Variants in BTD observed in about 807,000 individuals in gnomAD.
The protein encoded by BTD is biocytinase.
A neutral mutation model predicts 17.7 loss-of-function variants in BTD; 13 were observed. That is an observed-to-expected ratio of 0.74 (90% CI 0.48 to 1.17). The LOEUF (loss-of-function observed/expected upper bound fraction) is 1.17. Ranked by LOEUF, BTD falls within the 50% of genes most tolerant of loss-of-function variation. BTD has a pLI of 0.00. For missense variants in BTD, 674 were observed against 650.4 expected (o/e 1.04, Z -0.39); for synonymous variants, 240 against 245.2 (o/e 0.98, Z 0.20).
At chr3:15,657,164 T>C (rs1241047953), downstream of BTD, among the ~76,000 whole-genome samples, 2 of 152,188 alleles carry the variant, frequency 1.3e-5, no homozygotes, top group East Asian at 3.9e-4. Context: ...AAGCTGCCAA[T>C]TTCTTAAAGC....
chr3:15,670,677 A>G, intron 3 of BTD: 1 of 1,046,736 alleles, frequency 9.6e-7, no homozygotes, highest in Non-Finnish European at 1.4e-6. Flanking sequence ...CTTATAATAA[A>G]TTGCTGTAAC....
At chr3:15,713,340 G>T (rs2072578174), downstream of BTD, among the ~76,000 whole-genome samples, 1 of 152,086 alleles carries the variant, frequency 6.6e-6, no homozygotes, top group South Asian at 2.1e-4. Context: ...AAAATACACT[G>T]GCTTACCAAA....
intron 3 of BTD, among the ~76,000 whole-genome samples, chr3:15,675,601 T>C (rs1489735561): frequency 1.3e-5 from 2 of 150,946 alleles, no homozygotes; most frequent in African/African-American, 4.8e-5. Flanking sequence ...AACTAGGATC[T>C]TGATACATAT....
chr3:15,645,343 T>A lies in BTD; in HGVS notation c.1427T>A (p.Phe476Tyr). The A allele has an allele frequency of 1.9e-6, 3 of 1,614,192 alleles. No homozygotes were observed. Among genetic ancestry groups the A allele is most frequent in the Non-Finnish European group, 2.5e-6 (3 of 1,180,032 alleles). The change falls in exon 4 of 4, where the codon TTT becomes TAT. Residue 476 changes from phenylalanine (F) to tyrosine (Y), a missense_variant. Phe to Tyr is a conservative substitution (Grantham distance 22). Coordinates refer to ENST00000643237, the MANE Select transcript of BTD (RefSeq NM_001370658.1). ...LWGNFSTSYI[F>Y]PLFLTSGMTL... ...GGCAACTTCAGTACTTCCTATATCTTTCCTTTGTTTCTGACCTCAGGGATG... is the reference window on the plus strand; with the variant it reads ...GGCAACTTCAGTACTTCCTATATCTATCCTTTGTTTCTGACCTCAGGGATG...
At chr3:15,664,050 T>C (rs958260474) in intron 3 of BTD, among the ~76,000 whole-genome samples, 2 of 152,188 alleles carry the variant, frequency 1.3e-5, no homozygotes, top group Non-Finnish European at 2.9e-5. Context: ...TACAGGTGCC[T>C]GCCACCATGC....
In BTD at chr3:15,691,085, G is replaced by C. The variant is rs377158288; in HGVS notation, c.400-18975G>C. Among the ~76,000 whole-genome samples the C allele has an allele frequency of 3.3e-5, 5 of 151,176 alleles. No individual in the cohort carries two copies. In the South Asian group the frequency reaches 6.3e-4, roughly 19 times the overall value. Reference sequence around the variant, plus strand: ...CCACATACCAGGCATTGTCCTAGCTGTACAAAAGTAAGACTGAAGATTTGT... The same window carrying C: ...CCACATACCAGGCATTGTCCTAGCTCTACAAAAGTAAGACTGAAGATTTGT... On this transcript the variant is annotated intron_variant, in intron 3 of 3. Coordinates refer to the BTD transcript ENST00000672141.
chr3:15,630,353 C>G (rs2065175731), intron 1 of BTD, among the ~76,000 whole-genome samples: 1 of 152,186 alleles, frequency 6.6e-6, no homozygotes, highest in Non-Finnish European at 1.5e-5. Flanking sequence ...TAGCAACTGT[C>G]TGAGAATCAG....
chr3:15,644,922 C>G lies in BTD; in HGVS notation c.1006C>G (p.Pro336Ala), dbSNP rs746182429. The G allele has an allele frequency of 2.5e-5, 41 of 1,613,960 alleles. No individual in the cohort carries two copies. In the South Asian group the frequency reaches 4.4e-4, roughly 17 times the overall value. ...GAENATGETD[P>A]SHSKFLKILS... ...AGAGAATGCAACAGGTGAAACGGAC[C>G]CATCCCATAGTAAGTTTTTAAAAAT... is the stretch of plus-strand genomic sequence containing the variant. Residue 336 changes from proline (P) to alanine (A), a missense_variant, in exon 4 of 4, where the codon CCA becomes GCA. Pro to Ala is a conservative substitution (Grantham distance 27). Coordinates refer to ENST00000643237, the MANE Select transcript of BTD (RefSeq NM_001370658.1).
intron 3 of BTD, among the ~76,000 whole-genome samples, chr3:15,688,388 A>G (rs2068396570): frequency 6.6e-6 from 1 of 152,216 alleles, no homozygotes. Context: ...CTCCCAAGTT[A>G]GGTGGGAATA....
chr3:15,635,585 T>C lies in BTD; in HGVS notation c.146T>C (p.Leu49Pro), dbSNP rs2065325318. Reference protein sequence around the residue: ...VAAVYEHPSILSLNPLALISR... With the variant: ...VAAVYEHPSIPSLNPLALISR... ...GCCGTGTATGAGCATCCATCCATCC[T>C]GAGTCTGAACCCTCTGGCTCTCATC... Residue 49 changes from leucine to proline, a missense_variant, in exon 2 of 4, where the codon CTG (leucine) becomes CCG (proline). Coordinates refer to ENST00000643237, the MANE Select transcript of BTD (RefSeq NM_001370658.1). This position sits in a 1 kb window ranked among gnomAD's most constrained non-coding sequence, Gnocchi z 4.1. 2 of 1,614,108 alleles carry C rather than the reference T, an allele frequency of 1.2e-6. No homozygotes were observed. Among genetic ancestry groups the C allele is most frequent in the African/African-American group, 1.3e-5 (1 of 74,934 alleles).
At chr3:15,659,479 T>C (rs910183085) in intron 3 of BTD, among the ~76,000 whole-genome samples, 2 of 152,236 alleles carry the variant, frequency 1.3e-5, no homozygotes, top group African/African-American at 4.8e-5. Context: ...TAGACTTGCA[T>C]TGTGGTTTGA....
intron 3 of BTD, 67 bp from the exon 4 acceptor site, chr3:15,644,249 C>G: frequency 6.6e-7 from 1 of 1,521,922 alleles, no homozygotes; most frequent in Non-Finnish European, 9.0e-7. Flanking sequence ...ATCCACCCGC[C>G]TCAGCCTCCC....
At chr3:15,614,569 CATTTGGTTTT>C (rs1384888828) in intron 1 of BTD, among the ~76,000 whole-genome samples, 1 of 151,158 alleles carries the variant, frequency 6.6e-6, no homozygotes, top group Non-Finnish European at 1.5e-5. Context: ...AAAATGTCTC[CATTTGGTTTT>C]ATTTGACAAT....
chr3:15,643,969 A>AATTAATTT (rs1403294175), intron 3 of BTD, among the ~76,000 whole-genome samples: 33 of 138,016 alleles, frequency 2.4e-4, no homozygotes, highest in East Asian at 6.3e-4. Flanking sequence ...TCATTTATTT[A>AATTAATTT]ATTTATTTAT....
At chr3:15,703,437 G>A (rs2070907839) in intron 3 of BTD, among the ~76,000 whole-genome samples, 1 of 152,202 alleles carries the variant, frequency 6.6e-6, no homozygotes, top group South Asian at 2.1e-4. Context: ...ATTAGGTCAA[G>A]AGGGCAGAGC....
downstream of BTD, chr3:15,714,695 C>A (rs773965026): frequency 7.6e-6 from 11 of 1,440,104 alleles, no homozygotes; most frequent in Non-Finnish European, 8.5e-6. Context: ...TCTACTATAT[C>A]CATAATGTGT....
Position 15,649,176 on chromosome 3 carries a change from C to A in BTD, c.*3688C>A, listed in dbSNP as rs1486276191. Among the ~76,000 whole-genome samples the A allele has an allele frequency of 6.6e-6, 1 of 152,204 alleles. No homozygotes were observed. The highest frequency in any genetic ancestry group is 1.5e-5 in the Non-Finnish European group (1 of 68,036). On this transcript the variant is annotated 3_prime_UTR_variant, in exon 4 of 4. Coordinates refer to ENST00000643237, the MANE Select transcript of BTD (RefSeq NM_001370658.1). ...CATTCACACAGCTGGCACGTTGGTG[C>A]TGGCTGCTAGCAAAAGGTCTCAGCT...
chr3:15,684,007 T>G (rs1310392950), intron 3 of BTD: 1 of 152,226 alleles, frequency 6.6e-6, no homozygotes, highest in Non-Finnish European at 1.5e-5. Flanking sequence ...ATTAGAATTG[T>G]GAACTACAGC....
Position 15,674,949 on chromosome 3 carries a change from G to T in BTD, c.399+32892G>T, listed in dbSNP as rs968645255. The stretch of plus-strand genomic sequence containing the variant: ...TATGTGTAGGGGTGAGGGGGAGAAG[G>T]CCTGACTATACGGAAATTAAGAGAG... On this transcript the variant is annotated intron_variant, in intron 3 of 3. Coordinates refer to the BTD transcript ENST00000672141. Among the ~76,000 whole-genome samples, 10 of 152,154 alleles carry T rather than the reference G, an allele frequency of 6.6e-5. No individual in the cohort carries two copies. The South Asian group carries it at 2.1e-3, about 32-fold the overall frequency.
Sources: allele counts gnomAD v4.1 joint callset (sites outside exome capture counted in the v4.1 genomes callset), GRCh38; gene constraint gnomAD v4.1.1; non-coding constraint Gnocchi (gnomAD v3.1); transcripts MANE v1.5; gene names NCBI Gene and HGNC (gene_info 2026-07-23, HGNC 2026-07-21).